USP9Y: variants seen among roughly 807,000 people sequenced by gnomAD.
USP9Y encodes the protein ubiquitin carboxyl-terminal hydrolase 9Y.
Under a neutral mutation model 53.1 loss-of-function variants are expected in USP9Y, and 41 were observed. The ratio of observed to expected loss-of-function variants is 0.77; its 90% CI spans 0.60 to 1.00. The LOEUF is 1.00. Ranked by LOEUF, USP9Y falls within the 50% of genes least tolerant of loss-of-function variation. The pLI is 0.00. For synonymous variants in USP9Y, 220 were observed against 173.7 expected (o/e 1.27, Z -2.09); for missense variants, 567 against 535.8 (o/e 1.06, Z -0.58).
chrY:12,817,775 A>G, intron 32 of USP9Y, among the ~76,000 whole-genome samples: 1 of 33,724 alleles, frequency 3.0e-5, no homozygotes, highest in Admixed American at 2.7e-4. Flanking sequence ...GCACTGTACT[A>G]TGGCATGCAT....
At chrY:12,726,511 A>G in intron 6 of USP9Y, 64 bp from the exon 7 acceptor site, 1 of 269,578 alleles carries the variant, frequency 3.7e-6, no homozygotes, top group South Asian at 3.4e-5. Flanking sequence ...AATAAAAATT[A>G]AATGTGTTTG....
chrY:12,753,435 A>C, intron 12 of USP9Y, among the ~76,000 whole-genome samples: 1 of 33,429 alleles, frequency 3.0e-5, no homozygotes, highest in Non-Finnish European at 7.4e-5. Context: ...CGTATTTCTG[A>C]GGGATGCAGT....
chrY:12,817,420 G>T, intron 32 of USP9Y, among the ~76,000 whole-genome samples: 1 of 33,941 alleles, frequency 2.9e-5, no homozygotes, highest in Non-Finnish European at 7.3e-5. Flanking sequence ...GAAATAGTTT[G>T]AGTTTCAGAT....
chrY:12,759,450 C>G, intron 14 of USP9Y, among the ~76,000 whole-genome samples: 1 of 33,078 alleles, frequency 3.0e-5, no homozygotes, highest in East Asian at 7.8e-4. Context: ...AATCCTAGCA[C>G]TTTGCGAGGC....
chrY:12,802,625 A>C (rs901697811), intron 27 of USP9Y: 2 of 33,804 alleles, frequency 5.9e-5, no homozygotes, highest in African/African-American at 2.3e-4. Flanking sequence ...TTTCTTCCTC[A>C]CCACAGTATC....
intron 27 of USP9Y, among the ~76,000 whole-genome samples, chrY:12,800,100 G>T (rs761848313): frequency 3.0e-5 from 1 of 33,466 alleles, no homozygotes; most frequent in East Asian, 7.8e-4. Flanking sequence ...CCAGGGAGGC[G>T]CCCATTGCCG....
chrY:12,779,515 C>G lies in USP9Y; in HGVS notation c.3031-11C>G. 1 of 396,603 alleles carries G rather than the reference C, an allele frequency of 2.5e-6. No individual in the cohort carries two copies. The highest frequency in any genetic ancestry group is 3.5e-6 in the Non-Finnish European group (1 of 282,059). On this transcript the variant is annotated splice_polypyrimidine_tract_variant and intron_variant, in intron 21 of 45. Coordinates refer to ENST00000338981, the MANE Select transcript of USP9Y (RefSeq NM_004654.4). Reference sequence around the variant, plus strand: ...TTTGCAGGTAAATATTTTGTATATTCTGTATTCTAGATAATGTCAGTGCAT... The same window carrying G: ...TTTGCAGGTAAATATTTTGTATATTGTGTATTCTAGATAATGTCAGTGCAT...
chrY:12,769,777 A>AGTGT (rs34777653), intron 15 of USP9Y, among the ~76,000 whole-genome samples: 3 of 29,770 alleles, frequency 1.0e-4, no homozygotes, highest in Non-Finnish European at 2.5e-4. Flanking sequence ...CTTTTGAATA[A>AGTGT]GTGTGTGTGT....
At position 12,811,620 on chromosome Y, in the gene USP9Y, T is replaced by A. The variant is rs752769729; in HGVS notation, c.4240-15T>A. 1 of 394,433 alleles carries A rather than the reference T, an allele frequency of 2.5e-6. No individual in the cohort carries two copies. The highest frequency in any genetic ancestry group is 6.5e-5 in the African/African-American group (1 of 15,333). ...CATGTTGTGAGTTGGGCCTATAATA[T>A]TTTTCCTTTTGCAGGATAATGTTAA... is the stretch of plus-strand genomic sequence containing the variant. On this transcript the variant is annotated splice_polypyrimidine_tract_variant and intron_variant, in intron 29 of 45. Transcript: ENST00000338981.
chrY:12,735,962 G>A, intron 8 of USP9Y, 36 bp from the exon 9 acceptor site: 1 of 394,814 alleles, frequency 2.5e-6, no homozygotes. Flanking sequence ...TAAAAAACAT[G>A]AATGTTACAG....
At chrY:12,706,247 T>C (rs781209165) in intron 1 of USP9Y, among the ~76,000 whole-genome samples, 1 of 33,382 alleles carries the variant, frequency 3.0e-5, no homozygotes, top group South Asian at 6.7e-4. Context: ...TTTAGAGCAA[T>C]TGGTTATTAA....
At chrY:12,848,987 C>T (rs2053569558) in intron 42 of USP9Y, among the ~76,000 whole-genome samples, 1 of 33,395 alleles carries the variant, frequency 3.0e-5, no homozygotes, top group Non-Finnish European at 7.4e-5. Context: ...TTTTCCAATT[C>T]TGTGAAGAAA....
intron 1 of USP9Y, 39 bp downstream of exon 1, chrY:12,702,094 C>A: frequency 3.0e-5 from 1 of 33,447 alleles, no homozygotes; most frequent in African/African-American, 1.2e-4. Context: ...ATAGTTTTAG[C>A]AGTTTGGGTA....
At chrY:12,844,710 G>C in intron 39 of USP9Y, among the ~76,000 whole-genome samples, 2 of 33,359 alleles carry the variant, frequency 6.0e-5, no homozygotes, top group Non-Finnish European at 1.5e-4. Flanking sequence ...CCAAGAATTA[G>C]TGTAGATTTA....
At position 12,811,643 on chromosome Y, in the gene USP9Y, T is replaced by C; in HGVS notation, c.4248T>C (p.Val1416=). ...IDWLKRIRDN[V]KNTGETGVEE... ...TATTTTTCCTTTTGCAGGATAATGT[T>C]AAAAACACAGGTGAAACAGGTGTCG... The change falls in exon 30 of 46, where the codon GTT becomes GTC. Residue 1416 remains valine (V), a synonymous_variant. Coordinates refer to ENST00000338981, the MANE Select transcript of USP9Y (RefSeq NM_004654.4). 2.5e-6 allele frequency: 1 copy of C among 398,047 alleles called. No individual in the cohort carries two copies. The highest frequency in any genetic ancestry group is 3.0e-5 in the South Asian group (1 of 33,749).
chrY:12,752,599 A>C (rs758274191), intron 12 of USP9Y, among the ~76,000 whole-genome samples: 1 of 32,918 alleles, frequency 3.0e-5, no homozygotes, highest in African/African-American at 1.2e-4. Flanking sequence ...TGTTGGTTAG[A>C]ATTGCCAGTA....
At position 12,856,678 on chromosome Y, in the gene USP9Y, C is replaced by T; in HGVS notation, c.7267C>T (p.Leu2423=). The change falls in exon 44 of 46, where the codon CTA becomes TTA. Residue 2423 remains leucine (L), a synonymous_variant. Coordinates refer to ENST00000338981, the MANE Select transcript of USP9Y (RefSeq NM_004654.4). ...KRKWTWAVEW[L]GDELERRPYT... is the part of the protein sequence containing the mutation. Reference sequence around the variant, plus strand: ...AAAATGGACCTGGGCAGTGGAATGGCTAGGAGATGAACTTGAAAGAAGACC... The same window carrying T: ...AAAATGGACCTGGGCAGTGGAATGGTTAGGAGATGAACTTGAAAGAAGACC... 1.0e-5 allele frequency: 4 copies of T among 397,824 alleles called. No individual in the cohort carries two copies. The highest frequency in any genetic ancestry group is 1.4e-5 in the Non-Finnish European group (4 of 283,187).
chrY:12,728,319 GT>G (rs201401117), intron 7 of USP9Y, among the ~76,000 whole-genome samples: 7 of 27,342 alleles, frequency 2.6e-4, no homozygotes, highest in Non-Finnish European at 4.4e-4. Context: ...AGTGTGTAGG[GT>G]TTTTTTTTTT....
At position 12,738,213 on chromosome Y, in the gene USP9Y, A is replaced by G; in HGVS notation, c.1221A>G (p.Gln407=). Residue 407 remains glutamine (Q), a synonymous_variant, in exon 11 of 46, where the codon CAA becomes CAG. Coordinates refer to ENST00000338981, the MANE Select transcript of USP9Y (RefSeq NM_004654.4). ...TAGTCTTGCAAGACAGTCTTCATCA[A>G]CCACAATATGTAGAAAAGCTAGAGA... ...LSIVLQDSLH[Q]PQYVEKLEKI... 1 of 396,122 alleles carries G rather than the reference A, an allele frequency of 2.5e-6. No homozygotes were observed. Among genetic ancestry groups the G allele is most frequent in the Non-Finnish European group, 3.6e-6 (1 of 281,611 alleles).
Sources: gnomAD v4.1 joint callset for allele counts (sites outside exome capture counted in the v4.1 genomes callset) on GRCh38, gnomAD v4.1.1 for gene constraint, MANE v1.5 for transcripts, NCBI Gene and HGNC (gene_info 2026-07-23, HGNC 2026-07-21) for gene names.